The following MAGT1 variants were observed in gnomAD, a reference collection of about 807,000 sequenced individuals.
MAGT1 encodes the protein magnesium transporter 1, also known as dolichyl-diphosphooligosaccharide--protein glycosyltransferase subunit MAGT1.
Under a neutral mutation model 28.4 loss-of-function variants are expected in MAGT1, and 4 were observed. The ratio of observed to expected loss-of-function variants is 0.14; its 90% CI spans 0.07 to 0.32. The LOEUF is 0.32. Among genes scored for constraint, MAGT1 ranks in the 10% least tolerant of loss-of-function variants. MAGT1 has a pLI of 1.00. For synonymous variants in MAGT1, 89 were observed against 89.7 expected, an observed-to-expected ratio of 0.99 and a Z score of 0.04; for missense variants, 193 against 264.5, an observed-to-expected ratio of 0.73 and a Z score of 1.88.
In MAGT1 at chrX:77,828,600, A is replaced by G. The variant is rs1292159498; in HGVS notation, c.*620T>C. On this transcript the variant is annotated 3_prime_UTR_variant, in exon 10 of 10. Transcript: ENST00000618282. Reference sequence around the variant, plus strand: ...CAAAACAAAAACAATCATAGACAGCACTGTATTTCAGTAGGAAATATGCAA... The same window carrying G: ...CAAAACAAAAACAATCATAGACAGCGCTGTATTTCAGTAGGAAATATGCAA... 2 of 111,439 alleles carry G rather than the reference A, an allele frequency of 1.8e-5. No homozygotes were observed. Among genetic ancestry groups the G allele is most frequent in the Admixed American group, 9.7e-5 (1 of 10,347 alleles). 9.2% of individuals were successfully genotyped at this position (111,439 alleles called of 1,213,427 possible). A position where few individuals can be genotyped will look rare whatever the true frequency, so the allele number is the denominator to read the frequency against.
At chrX:77,842,590 G>A (rs1016318859) in intron 7 of MAGT1, among the ~76,000 whole-genome samples, 9 of 111,449 alleles carry the variant, frequency 8.1e-5, no homozygotes, top group Non-Finnish European at 1.7e-4. Flanking sequence ...ACTTTGAGAG[G>A]CAGAGGTAGG....
At chrX:77,845,947 C>A (rs543274423) in intron 7 of MAGT1, among the ~76,000 whole-genome samples, 1 of 110,753 alleles carries the variant, frequency 9.0e-6, no homozygotes, top group African/African-American at 3.3e-5. Context: ...ATCTTTGTGG[C>A]GTTCTCTGTA....
At chrX:77,854,921 T>C (rs2076977530) in intron 6 of MAGT1, among the ~76,000 whole-genome samples, 2 of 112,240 alleles carry the variant, frequency 1.8e-5, no homozygotes, top group South Asian at 7.3e-4. Context: ...AGGTACTTGA[T>C]CAATTTTTCT....
intron 1 of MAGT1, among the ~76,000 whole-genome samples, chrX:77,877,979 GTCTTAAAAGA>G (rs1209762807): frequency 9.3e-6 from 1 of 108,088 alleles, no homozygotes; most frequent in Non-Finnish European, 1.9e-5. Context: ...CAGTTTGGCA[GTCTTAAAAGA>G]TCAAGCAACT....
rs2077031055 is a variant in MAGT1 at position 77,875,512 on chromosome X, C to T, written c.188G>A (p.Arg63His). 5.0e-6 allele frequency: 6 copies of T among 1,198,649 alleles called. No homozygotes were observed. Among genetic ancestry groups the T allele is most frequent in the Non-Finnish European group, 6.7e-6 (6 of 889,031 alleles). The change falls in exon 2 of 10, where the codon CGC becomes CAC. Residue 63 changes from arginine to histidine, a missense_variant. Coordinates refer to ENST00000618282, the MANE Select transcript of MAGT1 (RefSeq NM_001367916.1). ...VIRMNGDKFR[R>H]LVKAPPRNYS... ...ATTTCTCGGTGGGGCTTTCACAAGG[C>T]GACGGAACTTGTCTCCATTCATTCT...
chrX:77,888,095 C>T (rs1391196916), intron 1 of MAGT1, among the ~76,000 whole-genome samples: 1 of 111,896 alleles, frequency 8.9e-6, no homozygotes, highest in Non-Finnish European at 1.9e-5. Flanking sequence ...CAGGCATGAT[C>T]GACTGTGCCC....
chrX:77,880,046 C>T (rs782574660), intron 1 of MAGT1, among the ~76,000 whole-genome samples: 1 of 102,628 alleles, frequency 9.7e-6, no homozygotes, highest in East Asian at 3.3e-4. Flanking sequence ...ACCATGTTGG[C>T]CAGGCTGGTC....
chrX:77,890,401 C>T (rs1419066836), intron 1 of MAGT1, among the ~76,000 whole-genome samples: 1 of 112,112 alleles, frequency 8.9e-6, no homozygotes, highest in African/African-American at 3.2e-5. Context: ...ATGCCATCTG[C>T]TCCATTATCA....
At chrX:77,830,762 AG>A (rs782063275) in intron 9 of MAGT1, 42 bp downstream of exon 9, 11 of 723,195 alleles carry the variant, frequency 1.5e-5, no homozygotes, top group Non-Finnish European at 2.1e-5. Flanking sequence ...TAATCATTCC[AG>A]GTATTGGTAA....
intron 1 of MAGT1, among the ~76,000 whole-genome samples, chrX:77,892,531 T>C (rs1488964682): frequency 9.0e-6 from 1 of 111,575 alleles, no homozygotes; most frequent in African/African-American, 3.3e-5. Context: ...ACACAGTGGC[T>C]CATGCCTGTA....
intron 3 of MAGT1, among the ~76,000 whole-genome samples, chrX:77,861,734 G>A (rs782445823): frequency 8.0e-5 from 9 of 112,073 alleles, no homozygotes; most frequent in Admixed American, 1.9e-4. Flanking sequence ...AAGGAAGGAA[G>A]TTCTGACACA....
intron 1 of MAGT1, among the ~76,000 whole-genome samples, chrX:77,883,895 G>A (rs1557218748): frequency 9.0e-6 from 1 of 111,153 alleles, no homozygotes; most frequent in Non-Finnish European, 1.9e-5. Flanking sequence ...AAATGAACTA[G>A]TTTTAAACTT....
chrX:77,832,706 A>AC (rs1194325990), intron 8 of MAGT1, among the ~76,000 whole-genome samples: 13 of 107,699 alleles, frequency 1.2e-4, no homozygotes, highest in Admixed American at 3.1e-4. Flanking sequence ...GGCGGCAGGC[A>AC]CCTGTAATCC....
At chrX:77,876,132 T>TTATATATATATATATATATATATATATA (rs1222026237) in intron 1 of MAGT1, among the ~76,000 whole-genome samples, 1 of 34,085 alleles carries the variant, frequency 2.9e-5, no homozygotes, top group African/African-American at 1.6e-4. Context: ...CACCTGGCCT[T>TTATATATATATATATATATATATATATA]TATATATATA....
At chrX:77,835,306 A>C (rs1462832519) in intron 8 of MAGT1, among the ~76,000 whole-genome samples, 1 of 111,718 alleles carries the variant, frequency 9.0e-6, no homozygotes, top group Non-Finnish European at 1.9e-5. Context: ...ACAAATGGCA[A>C]GTAGGCATAA....
At chrX:77,847,887 C>T (rs1351411297) in intron 7 of MAGT1, among the ~76,000 whole-genome samples, 2 of 111,391 alleles carry the variant, frequency 1.8e-5, no homozygotes, top group Non-Finnish European at 3.8e-5. Flanking sequence ...GCTGGGGTTA[C>T]AGGCATGAGC....
intron 7 of MAGT1, among the ~76,000 whole-genome samples, chrX:77,843,135 GAA>G (rs1257457514): frequency 8.9e-6 from 1 of 112,345 alleles, no homozygotes; most frequent in Non-Finnish European, 1.9e-5. Context: ...AGCGGAAAGG[GAA>G]AAATATGTGC....
intron 7 of MAGT1, among the ~76,000 whole-genome samples, chrX:77,843,271 C>CT (rs1603360072): frequency 9.0e-6 from 1 of 111,627 alleles, no homozygotes; most frequent in African/African-American, 3.3e-5. Context: ...GGGTCTCACT[C>CT]TGTCACCCAG....
chrX:77,858,609 T>C (rs782103621), intron 3 of MAGT1, among the ~76,000 whole-genome samples: 5 of 112,367 alleles, frequency 4.4e-5, no homozygotes, highest in Non-Finnish European at 9.4e-5. Flanking sequence ...TGAGAGCATG[T>C]ACTGACTGTT....
Sources: gnomAD v4.1 joint callset for allele counts (sites outside exome capture counted in the v4.1 genomes callset) on GRCh38, gnomAD v4.1.1 for gene constraint, MANE v1.5 for transcripts, NCBI Gene and HGNC (gene_info 2026-07-23, HGNC 2026-07-21) for gene names.